TGIF2: variants seen among roughly 807,000 people sequenced by gnomAD.
TGIF2 encodes homeobox protein TGIF2.
A neutral mutation model predicts 15.1 loss-of-function variants in TGIF2; 5 were observed. That is an observed-to-expected ratio of 0.33 (90% confidence interval 0.17 to 0.70). The LOEUF is 0.70. Ranked by LOEUF, TGIF2 falls within the 30% of genes least tolerant of loss-of-function variation. The pLI is 0.67. For missense variants in TGIF2, 264 were observed against 302.5 expected (o/e 0.87, Z 0.94); for synonymous variants, 131 against 128.9 (o/e 1.02, Z -0.11).
chr20:36,588,587 C>T (rs1184196584), intron 2 of TGIF2, among the ~76,000 whole-genome samples: 1 of 152,056 alleles, frequency 6.6e-6, no homozygotes, highest in Non-Finnish European at 1.5e-5. Flanking sequence ...CAACCAGCGT[C>T]CACTGAAGCC....
chr20:36,588,070 T>TAAA (rs542114970), intron 2 of TGIF2, among the ~76,000 whole-genome samples: 4 of 131,914 alleles, frequency 3.0e-5, no homozygotes, highest in Non-Finnish European at 6.7e-5. Context: ...ACCCTGTCTT[T>TAAA]AAAAAAAAAA....
Position 36,591,160 on chromosome 20 carries a change from G to C in TGIF2, c.443G>C (p.Arg148Pro), listed in dbSNP as rs374216319. ...QGEKPAAPFP[R>P]GELESPKPLV... ...GAAAAGCCAGCAGCCCCTTTCCCAC[G>C]TGGGGAGCTGGAGTCTCCCAAGCCC... Residue 148 changes from arginine to proline, a missense_variant, in exon 3 of 3, where the codon CGT becomes CCT. By Grantham distance (103) the Arg-to-Pro change is moderately radical. Transcript: ENST00000373872. The surrounding 1 kb of genome is among the most constrained non-coding windows in gnomAD (Gnocchi z 5.3). 3.1e-5 allele frequency: 50 copies of C among 1,614,062 alleles called. No individual in the cohort carries two copies. Among genetic ancestry groups the C allele is most frequent in the Non-Finnish European group, 4.0e-5 (47 of 1,179,930 alleles).
At chr20:36,582,010 C>T (rs985422112) in intron 2 of TGIF2, among the ~76,000 whole-genome samples, 54 of 152,032 alleles carry the variant, frequency 3.6e-4, no homozygotes, top group African/African-American at 1.2e-3. Flanking sequence ...CCGATGCGGG[C>T]GGATCACCTG....
rs923484961 is a variant in TGIF2 at position 36,592,811 on chromosome 20, GTTTT to G, written c.*1383_*1386del. The G allele has an allele frequency of 6.3e-6, 1 of 157,794 alleles. No individual in the cohort carries two copies. Among genetic ancestry groups the G allele is most frequent in the Non-Finnish European group, 1.4e-5 (1 of 72,806 alleles). 9.8% of individuals were successfully genotyped at this position (157,794 alleles called of 1,614,324 possible). On this transcript the variant is annotated 3_prime_UTR_variant, in exon 3 of 3. Transcript: ENST00000373872. Reference sequence around the variant, plus strand: ...TTTTTCTTTTGCTGTTTTGTTTTTTGTTTTTTGTTTGTTTGTTTGTTTTTTTGAG... The same window carrying G: ...TTTTTCTTTTGCTGTTTTGTTTTTTGTTGTTTGTTTGTTTGTTTTTTTGAG...
intron 2 of TGIF2, among the ~76,000 whole-genome samples, chr20:36,584,201 C>T (rs2038605235): frequency 6.6e-6 from 1 of 152,228 alleles, no homozygotes; most frequent in South Asian, 2.1e-4. Context: ...CATTTTCCTC[C>T]CACCCCTGAC....
chr20:36,587,115 G>C (rs1223591227), intron 2 of TGIF2, among the ~76,000 whole-genome samples: 1 of 152,314 alleles, frequency 6.6e-6, no homozygotes, highest in South Asian at 2.1e-4. Context: ...TTCTTTTCCT[G>C]ACTTAGGCAC....
At chr20:36,583,277 A>AC in intron 2 of TGIF2, among the ~76,000 whole-genome samples, 1 of 151,670 alleles carries the variant, frequency 6.6e-6, no homozygotes, top group East Asian at 1.9e-4. Context: ...CTCAAAAAAA[A>AC]AAAACAAACA....
Position 36,578,899 on chromosome 20 carries a change from A to G in TGIF2, c.125A>G (p.Tyr42Cys). The change falls in exon 2 of 3, where the codon TAC becomes TGC. Residue 42 changes from tyrosine (Y) to cysteine (C), a missense_variant. Physicochemically the swap from Tyr to Cys is radical, Grantham distance 194 (BLOSUM62 -2). Coordinates refer to ENST00000373872, the MANE Select transcript of TGIF2 (RefSeq NM_021809.7). The stretch of plus-strand genomic sequence containing the variant: ...CGGGACTGGCTGTACTTGCACCGCT[A>G]CAACGCCTACCCCTCAGAGCAGGAG... Reference protein sequence around the residue: ...ILRDWLYLHRYNAYPSEQEKL... With the variant: ...ILRDWLYLHRCNAYPSEQEKL... 1 of 1,614,220 alleles carries G rather than the reference A, an allele frequency of 6.2e-7. No individual in the cohort carries two copies. Among genetic ancestry groups the G allele is most frequent in the Non-Finnish European group, 8.5e-7 (1 of 1,180,032 alleles).
intron 2 of TGIF2, among the ~76,000 whole-genome samples, chr20:36,579,195 G>A (rs756770466): frequency 6.6e-6 from 1 of 151,746 alleles, no homozygotes; most frequent in Non-Finnish European, 1.5e-5. Context: ...TTTTTGAGAC[G>A]GAGTCTTGCA....
chr20:36,583,038 G>T (rs1775071665), intron 2 of TGIF2, among the ~76,000 whole-genome samples: 1 of 152,098 alleles, frequency 6.6e-6, no homozygotes, highest in African/African-American at 2.4e-5. Context: ...CACTTTGGGA[G>T]GCTGAGGCAG....
chr20:36,584,176 T>TCCA (rs2038604586), intron 2 of TGIF2, among the ~76,000 whole-genome samples: 1 of 152,168 alleles, frequency 6.6e-6, no homozygotes, highest in Admixed American at 6.5e-5. Context: ...ACTACATTGA[T>TCCA]CCACCTCCCC....
intron 1 of TGIF2, among the ~76,000 whole-genome samples, chr20:36,577,214 T>C (rs887234682): frequency 2.0e-5 from 3 of 151,966 alleles, no homozygotes; most frequent in East Asian, 1.9e-4. Flanking sequence ...TTTTTTCTTT[T>C]GTTGAGACAG....
intron 2 of TGIF2, among the ~76,000 whole-genome samples, chr20:36,586,280 T>C (rs1435197566): frequency 6.6e-6 from 1 of 152,160 alleles, no homozygotes; most frequent in East Asian, 1.9e-4. Flanking sequence ...GGCTAAACCA[T>C]TGGTTCCTAA....
intron 2 of TGIF2, among the ~76,000 whole-genome samples, chr20:36,585,465 TAAAAA>T (rs998173848): frequency 3.9e-4 from 41 of 104,068 alleles, no homozygotes; most frequent in African/African-American, 1.5e-3. Context: ...ACTCTGTCTT[TAAAAA>T]AAAAAAAAAA....
chr20:36,574,230 C>G (rs917325182), intron 1 of TGIF2, among the ~76,000 whole-genome samples: 3 of 151,856 alleles, frequency 2.0e-5, no homozygotes, highest in Non-Finnish European at 2.9e-5. Flanking sequence ...GCGAGTTCCC[C>G]TTTCCTTTGG....
intron 2 of TGIF2, among the ~76,000 whole-genome samples, chr20:36,583,837 G>A (rs1277971751): frequency 6.6e-6 from 1 of 152,076 alleles, no homozygotes; most frequent in Non-Finnish European, 1.5e-5. Context: ...ACGGAAGTTG[G>A]AATGAGCCGA....
Position 36,590,892 on chromosome 20 carries a change from C to A in TGIF2, c.193-18C>A. On this transcript the variant is annotated intron_variant, in intron 2 of 2. Transcript: ENST00000373872. ...TTTTAGATTAAGCAAATTGATCGGT[C>A]TTGTATATTCATTCCAGATATGTAA... 6.6e-7 allele frequency: 1 copy of A among 1,511,702 alleles called. No individual in the cohort carries two copies. Among genetic ancestry groups the A allele is most frequent in the South Asian group, 1.3e-5 (1 of 74,950 alleles). The allele number at this position is 1,511,702 out of a possible 1,614,324, so 93.6% of individuals were successfully genotyped here. A position where few individuals can be genotyped will look rare whatever the true frequency, so the allele number is the denominator to read the frequency against.
chr20:36,585,658 A>G (rs1441700978), intron 2 of TGIF2, among the ~76,000 whole-genome samples: 6 of 152,004 alleles, frequency 3.9e-5, no homozygotes, highest in Non-Finnish European at 8.8e-5. Context: ...TGACTCAACT[A>G]ACTGGTTTGC....
At chr20:36,581,973 T>C (rs573092509) in intron 2 of TGIF2, among the ~76,000 whole-genome samples, 11 of 151,966 alleles carry the variant, frequency 7.2e-5, no homozygotes, top group Non-Finnish European at 1.3e-4. Context: ...TGGTGGCTCA[T>C]GCCTGTAATC....
Sources: allele counts gnomAD v4.1 joint callset (sites outside exome capture counted in the v4.1 genomes callset), GRCh38; gene constraint gnomAD v4.1.1; non-coding constraint Gnocchi (gnomAD v3.1); transcripts MANE v1.5; gene names NCBI Gene and HGNC (gene_info 2026-07-23, HGNC 2026-07-21).